KCTD16: variants seen among roughly 807,000 people sequenced by gnomAD.
KCTD16 encodes BTB/POZ domain-containing protein KCTD16.
In KCTD16, 13 loss-of-function variants were observed where a neutral mutation model predicts 33.2. The observed-to-expected ratio is 0.39, with a 90% CI of 0.25 to 0.62. The LOEUF (loss-of-function observed/expected upper bound fraction) is 0.62. Ranked by LOEUF, KCTD16 falls within the 20% of genes least tolerant of loss-of-function variation. The pLI is 0.50. For missense variants in KCTD16, 441 were observed against 525.1 expected (o/e 0.84, Z 1.57); for synonymous variants, 197 against 195.3 (o/e 1.01, Z -0.07).
intron 3 of KCTD16, among the ~76,000 whole-genome samples, chr5:144,275,908 G>A (rs185186214): frequency 1.3e-5 from 2 of 152,238 alleles, no homozygotes; most frequent in South Asian, 2.1e-4. Flanking sequence ...GTACCATGAC[G>A]AAAGCCTTTC....
chr5:144,351,079 G>C (rs1189814607), intron 3 of KCTD16, among the ~76,000 whole-genome samples: 1 of 152,156 alleles, frequency 6.6e-6, no homozygotes, highest in East Asian at 1.9e-4. Context: ...TATGTATCTG[G>C]TAAATAACAG....
At chr5:144,306,391 G>A (rs558773838) in intron 3 of KCTD16, among the ~76,000 whole-genome samples, 9 of 152,256 alleles carry the variant, frequency 5.9e-5, no homozygotes, top group African/African-American at 1.4e-4. Context: ...CCTTCCCCAC[G>A]ACCCCCACTG....
chr5:144,328,863 C>CT (rs529931780), intron 3 of KCTD16, among the ~76,000 whole-genome samples: 12,856 of 143,980 alleles, frequency 0.089, 1,591 homozygotes, highest in African/African-American at 0.28. Context: ...TAGCTTTTTT[C>CT]TTTTTTTTTT....
In KCTD16 at chr5:144,221,709, C is replaced by T. The variant is rs140550676; in HGVS notation, c.832+14163C>T. ...GGTTTGAAGTCTTTGCTATTGTGAACGGTACTGTAATAAACATACGTGTGC... is the reference window on the plus strand; with the variant it reads ...GGTTTGAAGTCTTTGCTATTGTGAATGGTACTGTAATAAACATACGTGTGC... On this transcript the variant is annotated intron_variant, in intron 3 of 3. Coordinates refer to ENST00000512467, the MANE Select transcript of KCTD16 (RefSeq NM_020768.4). Among the ~76,000 whole-genome samples the T allele has an allele frequency of 1.6e-4, 24 of 152,258 alleles. No homozygotes were observed. In the East Asian group the frequency reaches 2.5e-3, roughly 16 times the overall value.
chr5:144,344,370 A>AAACT, intron 3 of KCTD16, among the ~76,000 whole-genome samples: 11 of 134,232 alleles, frequency 8.2e-5, no homozygotes, highest in African/African-American at 2.4e-4. Context: ...GGATCTAATT[A>AAACT]AAGAGCTTCT....
chr5:144,411,972 G>A (rs1752942860), intron 3 of KCTD16, among the ~76,000 whole-genome samples: 1 of 152,136 alleles, frequency 6.6e-6, no homozygotes, highest in African/African-American at 2.4e-5. Context: ...AAACTACAAT[G>A]AGTATCATCT....
chr5:144,292,250 G>A (rs1424984411), intron 3 of KCTD16, among the ~76,000 whole-genome samples: 2 of 152,192 alleles, frequency 1.3e-5, no homozygotes, highest in African/African-American at 4.8e-5. Flanking sequence ...GGTATTTTGG[G>A]ACATGGTGAG....
chr5:144,299,044 C>CTATATATATATATATATATATATA (rs10589565), intron 3 of KCTD16, among the ~76,000 whole-genome samples: 2 of 35,956 alleles, frequency 5.6e-5, no homozygotes, highest in Non-Finnish European at 1.1e-4. Flanking sequence ...AAACAGATCA[C>CTATATATATATATATATATATATA]TATATATATA....
Position 144,354,087 on chromosome 5 carries a change from A to G in KCTD16, c.833-119573A>G, listed in dbSNP as rs1036051888. On this transcript the variant is annotated intron_variant, in intron 3 of 3. Coordinates refer to ENST00000512467, the MANE Select transcript of KCTD16 (RefSeq NM_020768.4). The stretch of plus-strand genomic sequence containing the variant: ...GGTGAAATCAACTTATAATTGAGAA[A>G]TGATCTGCCTGCTTAGAAATACTGG... Among the ~76,000 whole-genome samples, 189 of 152,274 alleles carry G rather than the reference A, an allele frequency of 1.2e-3. 2 individuals are homozygous for G. The highest frequency in any genetic ancestry group is 4.2e-3 in the African/African-American group (173 of 41,568).
At chr5:144,278,150 TTTAACA>T (rs1482425806) in intron 3 of KCTD16, among the ~76,000 whole-genome samples, 4 of 152,104 alleles carry the variant, frequency 2.6e-5, no homozygotes, top group Non-Finnish European at 4.4e-5. Flanking sequence ...AGTGTAATAG[TTTAACA>T]TTTTCATTTA....
intron 3 of KCTD16, among the ~76,000 whole-genome samples, chr5:144,231,318 A>G (rs527709615): frequency 2.0e-5 from 3 of 151,988 alleles, no homozygotes; most frequent in Non-Finnish European, 4.4e-5. Context: ...TATAGTGAGC[A>G]CATACTCTCT....
At chr5:144,363,251 A>C (rs1751756693) in intron 3 of KCTD16, among the ~76,000 whole-genome samples, 1 of 152,104 alleles carries the variant, frequency 6.6e-6, no homozygotes, top group South Asian at 2.1e-4. Flanking sequence ...CTGAGGCATG[A>C]GAATCATTTG....
chr5:144,318,426 G>T (rs908994925), intron 3 of KCTD16, among the ~76,000 whole-genome samples: 1 of 152,120 alleles, frequency 6.6e-6, no homozygotes. Context: ...AAACGTATGG[G>T]TTTATTTCAT....
At position 144,476,641 on chromosome 5, in the gene KCTD16, T is replaced by C. The variant is rs757920262; in HGVS notation, c.*2527T>C. The stretch of plus-strand genomic sequence containing the variant: ...ACTAAGACAACAGCATGGCATTTAT[T>C]TGTGTGAGTGTTTATATAGAAATGA... On this transcript the variant is annotated 3_prime_UTR_variant, in exon 4 of 4. Transcript: ENST00000512467. The C allele has an allele frequency of 2.0e-5, 3 of 152,132 alleles. No individual in the cohort carries two copies. Among genetic ancestry groups the C allele is most frequent in the Non-Finnish European group, 4.4e-5 (3 of 68,030 alleles). The allele number at this position is 152,132 out of a possible 1,614,324, so 9.4% of individuals were successfully genotyped here. A position where few individuals can be genotyped will look rare whatever the true frequency, so the allele number is the denominator to read the frequency against.
At chr5:144,270,926 A>T (rs10042999) in intron 3 of KCTD16, among the ~76,000 whole-genome samples, 35,429 of 151,864 alleles carry the variant, frequency 0.23, 4,366 homozygotes, top group Non-Finnish European at 0.28. Context: ...CTAGATAAAA[A>T]GAACAAATTT....
chr5:144,260,203 C>G (rs1754968086), intron 3 of KCTD16, among the ~76,000 whole-genome samples: 2 of 152,166 alleles, frequency 1.3e-5, no homozygotes, highest in Admixed American at 1.3e-4. Flanking sequence ...GAAAACCTCT[C>G]CTGTGGCTCC....
In KCTD16 at chr5:144,448,528, C is replaced by T. The variant is rs78402381; in HGVS notation, c.833-25132C>T. ...TGGTTGATGATTTATATTCGTAACA[C>T]TGAGGCTGAAGTTGGAAATTAGACC... On this transcript the variant is annotated intron_variant, in intron 3 of 3. Coordinates refer to ENST00000512467, the MANE Select transcript of KCTD16 (RefSeq NM_020768.4). Among the ~76,000 whole-genome samples, 791 of 152,180 alleles carry T rather than the reference C, an allele frequency of 5.2e-3. 7 individuals carry two copies. The highest frequency in any genetic ancestry group is 0.018 in the African/African-American group (759 of 41,522).
chr5:144,371,590 A>T (rs1480415937), intron 3 of KCTD16, among the ~76,000 whole-genome samples: 1 of 152,172 alleles, frequency 6.6e-6, no homozygotes, highest in African/African-American at 2.4e-5. Flanking sequence ...GAAGCAGCTG[A>T]TTCTGTATAT....
At chr5:144,248,382 A>G (rs955920515) in intron 3 of KCTD16, among the ~76,000 whole-genome samples, 1 of 152,230 alleles carries the variant, frequency 6.6e-6, no homozygotes, top group Non-Finnish European at 1.5e-5. Context: ...AGGAACACCA[A>G]GAAGGCCGGT....
Sources: gnomAD v4.1 joint callset for allele counts (sites outside exome capture counted in the v4.1 genomes callset) on GRCh38, gnomAD v4.1.1 for gene constraint, MANE v1.5 for transcripts, NCBI Gene and HGNC (gene_info 2026-07-23, HGNC 2026-07-21) for gene names.